SEMA3D: variants seen among roughly 807,000 people sequenced by gnomAD.
SEMA3D encodes semaphorin-3D.
A neutral mutation model predicts 100.1 loss-of-function variants in SEMA3D; 84 were observed. The ratio of observed to expected loss-of-function variants is 0.84; its 90% CI spans 0.70 to 1.01. SEMA3D has a LOEUF of 1.01. Among genes scored for constraint, SEMA3D ranks in the 50% least tolerant of loss-of-function variants. SEMA3D has a pLI of 0.00. For synonymous variants in SEMA3D, 312 were observed against 320.7 expected (o/e 0.97, Z 0.29); for missense variants, 875 against 934.1 (o/e 0.94, Z 0.82).
the SEMA3D span, among the ~76,000 whole-genome samples, chr7:85,229,143 A>G: frequency 1.3e-5 from 2 of 151,778 alleles, no homozygotes; most frequent in Non-Finnish European, 3.0e-5. Context: ...GAGCCTTTGC[A>G]TGTTTAATAA....
At chr7:85,182,065 T>A (rs1383531958) in intron 1 of SEMA3D, among the ~76,000 whole-genome samples, 1 of 152,168 alleles carries the variant, frequency 6.6e-6, no homozygotes, top group African/African-American at 2.4e-5. Context: ...TTCTTGGTTA[T>A]GGTGAATTCT....
chr7:85,001,452 T>C (rs925122636), intron 18 of SEMA3D, among the ~76,000 whole-genome samples: 7 of 152,210 alleles, frequency 4.6e-5, no homozygotes, highest in Non-Finnish European at 1.0e-4. Flanking sequence ...CTAAAATAAA[T>C]GTGAATTTGA....
At chr7:85,077,843 A>C (rs1350769559) in intron 5 of SEMA3D, among the ~76,000 whole-genome samples, 1 of 152,156 alleles carries the variant, frequency 6.6e-6, no homozygotes, top group Admixed American at 6.5e-5. Flanking sequence ...AACTAGTAAA[A>C]GTCTACTCAA....
chr7:85,190,823 T>C (rs1229011135), upstream of SEMA3D, among the ~76,000 whole-genome samples: 1 of 152,088 alleles, frequency 6.6e-6, no homozygotes, highest in African/African-American at 2.4e-5. Flanking sequence ...TTTAAACTCT[T>C]ATAAAATCAT....
At chr7:85,020,521 C>T (rs7794387) in intron 13 of SEMA3D, among the ~76,000 whole-genome samples, 200 bp from the exon 14 acceptor site, 6,021 of 151,458 alleles carry the variant, frequency 0.04, 353 homozygotes, top group East Asian at 0.22. Context: ...TAGTAGAACA[C>T]CCATTTATAG....
chr7:85,137,792 G>T (rs929631558), intron 2 of SEMA3D, among the ~76,000 whole-genome samples: 3 of 152,106 alleles, frequency 2.0e-5, no homozygotes, highest in African/African-American at 7.2e-5. Context: ...TGCACTCCCT[G>T]TTCCAGGCAA....
intron 3 of SEMA3D, among the ~76,000 whole-genome samples, chr7:85,112,163 C>T (rs1338075225): frequency 1.3e-5 from 2 of 152,108 alleles, no homozygotes; most frequent in African/African-American, 2.4e-5. Context: ...TCAAACAAAT[C>T]AAACAAGTTT....
intron 10 of SEMA3D, chr7:85,041,208 C>T (rs1314284717): frequency 6.6e-6 from 1 of 152,424 alleles, no homozygotes; most frequent in African/African-American, 2.4e-5. Flanking sequence ...CAGGTGCCCA[C>T]CACCAGCCCG....
chr7:85,022,615 T>C lies in SEMA3D; in HGVS notation c.1192-2A>G. On this transcript the variant is annotated splice_acceptor_variant, in intron 12 of 18. Transcript: ENST00000284136. LOFTEE classifies it high-confidence loss of function. ...TGGGTCATAGGTTTTGCTTGGACAC[T>C]GAAAATAAATGTGGAGGAAAGTAAA... The C allele has an allele frequency of 2.5e-6, 4 of 1,590,650 alleles. No homozygotes were observed. Among genetic ancestry groups the C allele is most frequent in the Non-Finnish European group, 3.5e-6 (4 of 1,159,284 alleles).
intron 5 of SEMA3D, among the ~76,000 whole-genome samples, chr7:85,079,055 C>T (rs774861209): frequency 1.3e-5 from 2 of 152,128 alleles, no homozygotes; most frequent in African/African-American, 4.8e-5. Context: ...TGTAAGAGCA[C>T]AGACCTTGGA....
chr7:85,023,463 T>C (rs1790310887), intron 12 of SEMA3D, among the ~76,000 whole-genome samples: 1 of 151,966 alleles, frequency 6.6e-6, no homozygotes, highest in Non-Finnish European at 1.5e-5. Flanking sequence ...TATAGAACGA[T>C]TCTTTTATCA....
intron 8 of SEMA3D, among the ~76,000 whole-genome samples, chr7:85,056,797 G>T (rs1791330323): frequency 6.7e-6 from 1 of 149,130 alleles, no homozygotes; most frequent in Non-Finnish European, 1.5e-5. Flanking sequence ...TAGTTGAAAG[G>T]TAAAATAAAT....
chr7:85,162,616 C>T (rs1790776481), intron 1 of SEMA3D, among the ~76,000 whole-genome samples: 1 of 151,994 alleles, frequency 6.6e-6, no homozygotes, highest in Non-Finnish European at 1.5e-5. Context: ...CAAAAGGACA[C>T]TCTAAAGATG....
intron 1 of SEMA3D, among the ~76,000 whole-genome samples, chr7:85,172,701 A>C (rs1791116780): frequency 6.6e-6 from 1 of 151,940 alleles, no homozygotes; most frequent in African/African-American, 2.4e-5. Context: ...CTGAAGCCCA[A>C]ATTTAGGAAG....
intron 2 of SEMA3D, chr7:85,141,069 AT>A (rs1790035986): frequency 2.2e-6 from 2 of 894,274 alleles, no homozygotes; most frequent in Non-Finnish European, 2.7e-6. Flanking sequence ...TTTTCATTTT[AT>A]TTAATATTCA....
intron 3 of SEMA3D, among the ~76,000 whole-genome samples, chr7:85,101,734 T>C (rs978744632): frequency 6.6e-6 from 1 of 152,044 alleles, no homozygotes; most frequent in Non-Finnish European, 1.5e-5. Context: ...CCAACTCATA[T>C]AGTTCTCATG....
At chr7:85,162,708 G>A (rs762443234) in intron 1 of SEMA3D, among the ~76,000 whole-genome samples, 2 of 152,084 alleles carry the variant, frequency 1.3e-5, no homozygotes, top group Non-Finnish European at 2.9e-5. Context: ...GAGGAAGAAC[G>A]TGGAAAAAGA....
chr7:85,193,073 T>TA, the SEMA3D span, among the ~76,000 whole-genome samples: 1,112 of 152,146 alleles, frequency 7.3e-3, 12 homozygotes, highest in African/African-American at 0.025. Flanking sequence ...CAACAAGAAG[T>TA]AAAAAAACTG....
chr7:85,140,941 A>T (rs1562832762), intron 2 of SEMA3D: 8 of 590,370 alleles, frequency 1.4e-5, no homozygotes, highest in Non-Finnish European at 1.7e-5. Flanking sequence ...AATCTTCTTT[A>T]TTTTTCCCTA....
Sources: gnomAD v4.1 joint callset for allele counts (sites outside exome capture counted in the v4.1 genomes callset) on GRCh38, gnomAD v4.1.1 for gene constraint, MANE v1.5 for transcripts, NCBI Gene and HGNC (gene_info 2026-07-23, HGNC 2026-07-21) for gene names.